PTS: variants seen among roughly 807,000 people sequenced by gnomAD.
PTS encodes 6-pyruvoyltetrahydropterin synthase.
A neutral mutation model predicts 20.6 loss-of-function variants in PTS; 23 were observed. The ratio of observed to expected loss-of-function variants is 1.12; its 90% confidence interval spans 0.80 to 1.58. PTS has a LOEUF of 1.58. Ranked by LOEUF, PTS falls within the 40% of genes most tolerant of loss-of-function variation. PTS has a pLI of 0.00. For missense variants in PTS, 186 were observed against 182.4 expected (o/e 1.02, Z -0.11); for synonymous variants, 65 against 62.5 (o/e 1.04, Z -0.19).
intron 1 of PTS, among the ~76,000 whole-genome samples, chr11:112,227,061 A>G (rs1434805772): frequency 1.5e-5 from 2 of 135,164 alleles, no homozygotes. Context: ...TGGCTAGGAG[A>G]AAAAAAAAAA....
Position 112,233,747 on chromosome 11 carries a change from C to T in PTS, c.*192C>T, listed in dbSNP as rs1321967402. The T allele has an allele frequency of 1.6e-6, 1 of 606,808 alleles. No individual in the cohort carries two copies. The highest frequency in any genetic ancestry group is 2.4e-6 in the Non-Finnish European group (1 of 412,310). The allele number at this position is 606,808 out of a possible 1,614,324, so 37.6% of individuals were successfully genotyped here. ...TATTTAAAACTAAACTTGTAATATA[C>T]ATCCTGAAAATCATTTAGAGAGTCT... is the stretch of plus-strand genomic sequence containing the variant. On this transcript the variant is annotated 3_prime_UTR_variant, in exon 6 of 6. Transcript: ENST00000280362.
rs1040589582 is a variant in PTS at position 112,227,736 on chromosome 11, G to T, written c.84-858G>T. ...GAGAACTCACTCATTGCTTCAGGGAGGGCACCAAGCCATTCATAAGGGATC... is the reference window on the plus strand; with the variant it reads ...GAGAACTCACTCATTGCTTCAGGGATGGCACCAAGCCATTCATAAGGGATC... On this transcript the variant is annotated intron_variant, in intron 1 of 5. Coordinates refer to ENST00000280362, the MANE Select transcript of PTS (RefSeq NM_000317.3). 3.9e-5 allele frequency among the ~76,000 whole-genome samples: 6 copies of T among 152,064 alleles called. 1 individual carries two copies. In the South Asian group the frequency reaches 1.3e-3, roughly 32 times the overall value.
At chr11:112,226,763 G>T (rs1455121323) in intron 1 of PTS, among the ~76,000 whole-genome samples, 1 of 151,984 alleles carries the variant, frequency 6.6e-6, no homozygotes, top group Non-Finnish European at 1.5e-5. Context: ...AGCCGACTGC[G>T]GAGGGCGATG....
At chr11:112,232,036 G>A (rs1291403739) in intron 4 of PTS, among the ~76,000 whole-genome samples, 1 of 152,172 alleles carries the variant, frequency 6.6e-6, no homozygotes, top group East Asian at 1.9e-4. Flanking sequence ...AATACTGGAG[G>A]AGGGCTTCTC....
Position 112,230,691 on chromosome 11 carries a change from A to G in PTS, c.243+9A>G, listed in dbSNP as rs200446631. On this transcript the variant is annotated intron_variant, in intron 4 of 5. Transcript: ENST00000280362. ...TCAAAAAATATATGGAGGTAATGGC[A>G]TGTTGGGTGCTTATTATGTGCTATT... 11 of 1,603,776 alleles carry G rather than the reference A, an allele frequency of 6.9e-6. No homozygotes were observed. In the Middle Eastern group the frequency reaches 9.9e-4, roughly 145 times the overall value.
intron 4 of PTS, among the ~76,000 whole-genome samples, chr11:112,231,416 T>C (rs1479450612): frequency 6.6e-6 from 1 of 152,176 alleles, no homozygotes; most frequent in Non-Finnish European, 1.5e-5. Flanking sequence ...TAGATTAAGA[T>C]TGAGAGATGC....
chr11:112,232,131 G>A (rs1859946167), intron 4 of PTS, among the ~76,000 whole-genome samples: 1 of 152,126 alleles, frequency 6.6e-6, no homozygotes, highest in Non-Finnish European at 1.5e-5. Flanking sequence ...GTAGAGTAAA[G>A]TTAGAGCTCT....
Position 112,226,495 on chromosome 11 carries a change from A to C in PTS, c.52A>C (p.Ile18Leu). Residue 18 changes from isoleucine to leucine, a missense_variant, in exon 1 of 6, where the codon ATC becomes CTC. Ile to Leu is a conservative substitution (Grantham distance 5, BLOSUM62 2). Coordinates refer to ENST00000280362, the MANE Select transcript of PTS (RefSeq NM_000317.3). ...CTGCCAGGCACAAGTGTCCCGCCGCATCTCCTTCAGCGCGAGCCACCGATT... is the reference window on the plus strand; with the variant it reads ...CTGCCAGGCACAAGTGTCCCGCCGCCTCTCCTTCAGCGCGAGCCACCGATT... ...RRCQAQVSRR[I>L]SFSASHRLYS... 1 of 1,586,604 alleles carries C rather than the reference A, an allele frequency of 6.3e-7. No homozygotes were observed. The highest frequency in any genetic ancestry group is 8.6e-7 in the Non-Finnish European group (1 of 1,169,076).
chr11:112,228,764 A>G, intron 2 of PTS, 91 bp downstream of exon 2: 1 of 1,145,190 alleles, frequency 8.7e-7, no homozygotes. Context: ...AAACTTACGG[A>G]CACAGTGTGA....
intron 4 of PTS, 151 bp from the exon 5 acceptor site, chr11:112,233,012 G>A (rs1859960710): frequency 2.5e-6 from 2 of 813,644 alleles, no homozygotes; most frequent in Non-Finnish European, 4.3e-6. Flanking sequence ...TTGAAATTTT[G>A]TAAAGTTGCC....
chr11:112,233,414 TG>T lies in PTS; in HGVS notation c.315-17del, dbSNP rs1859969226. The T allele has an allele frequency of 6.3e-7, 1 of 1,590,654 alleles. No individual in the cohort carries two copies. The highest frequency in any genetic ancestry group is 8.5e-7 in the Non-Finnish European group (1 of 1,171,220). On this transcript the variant is annotated splice_polypyrimidine_tract_variant and intron_variant, in intron 5 of 5. Coordinates refer to ENST00000280362, the MANE Select transcript of PTS (RefSeq NM_000317.3). ...TTGCATTTTGAATTTTTTTTGTTTT[TG>T]TTTTTTTTTCTTATAGCACGACTGA...
In PTS at chr11:112,231,022, T is replaced by C. The variant is rs541889785; in HGVS notation, c.243+340T>C. Among the ~76,000 whole-genome samples the C allele has an allele frequency of 5.4e-4, 81 of 151,288 alleles. 1 individual carries two copies. The highest frequency in any genetic ancestry group is 1.5e-3 in the South Asian group (7 of 4,802). ...TCCTTGAGACTTACTGTCTTTCTTT[T>C]TTTTTTTTTTTTTAAATAGGCACAG... On this transcript the variant is annotated intron_variant, in intron 4 of 5. Transcript: ENST00000280362.
At chr11:112,227,525 C>T (rs1395509528) in intron 1 of PTS, among the ~76,000 whole-genome samples, 1 of 152,132 alleles carries the variant, frequency 6.6e-6, no homozygotes, top group Non-Finnish European at 1.5e-5. Flanking sequence ...TTATTTGGTT[C>T]TGCAGGCTGT....
At chr11:112,230,253 T>TG (rs759015042) in intron 3 of PTS, 23 bp downstream of exon 3, 29 of 1,611,578 alleles carry the variant, frequency 1.8e-5, no homozygotes, top group Admixed American at 3.3e-5. Context: ...AATATTTGTG[T>TG]GGTTTTTGCA....
intron 4 of PTS, among the ~76,000 whole-genome samples, chr11:112,232,919 CT>C (rs1859958790): frequency 6.6e-6 from 1 of 152,192 alleles, no homozygotes; most frequent in Non-Finnish European, 1.5e-5. Flanking sequence ...GAATTCTCTG[CT>C]TTTTGGTTTC....
chr11:112,227,373 G>A (rs950335407), intron 1 of PTS, among the ~76,000 whole-genome samples: 3 of 152,080 alleles, frequency 2.0e-5, no homozygotes, highest in Non-Finnish European at 4.4e-5. Flanking sequence ...TTTGTGGAGG[G>A]TACACTGAGA....
In PTS at chr11:112,233,613, G is replaced by C. The variant is rs1307423080; in HGVS notation, c.*58G>C. ...TCTTTCTGTGTTTGAAAAAGATTTT[G>C]ATCCCCTTGGAATATTAAGAGGTCA... On this transcript the variant is annotated 3_prime_UTR_variant, in exon 6 of 6. Coordinates refer to ENST00000280362, the MANE Select transcript of PTS (RefSeq NM_000317.3). The C allele has an allele frequency of 5.6e-6, 9 of 1,608,062 alleles. No homozygotes were observed. Among genetic ancestry groups the C allele is most frequent in the Admixed American group, 1.7e-5 (1 of 59,824 alleles).
At chr11:112,232,020 T>C (rs1859944810) in intron 4 of PTS, among the ~76,000 whole-genome samples, 1 of 152,092 alleles carries the variant, frequency 6.6e-6, no homozygotes, top group African/African-American at 2.4e-5. Flanking sequence ...CCTCAACATA[T>C]GACTAAATAC....
At chr11:112,226,582 C>T in intron 1 of PTS, 56 bp downstream of exon 1, 1 of 1,438,222 alleles carries the variant, frequency 7.0e-7, no homozygotes, top group South Asian at 1.3e-5. Context: ...CCCGGAACGT[C>T]ACCGGGGCGG....
Sources: allele counts gnomAD v4.1 joint callset (sites outside exome capture counted in the v4.1 genomes callset), GRCh38; gene constraint gnomAD v4.1.1; transcripts MANE v1.5; gene names NCBI Gene and HGNC (gene_info 2026-07-23, HGNC 2026-07-21).